RBFOX1: variants seen among roughly 807,000 people sequenced by gnomAD.
RBFOX1 encodes the protein RNA binding protein fox-1 homolog 1.
In RBFOX1, 8 loss-of-function variants were observed where a neutral mutation model predicts 57.7. The observed-to-expected ratio is 0.14, with a 90% CI of 0.08 to 0.25. The LOEUF (loss-of-function observed/expected upper bound fraction) is 0.25, where lower values mean the gene tolerates loss of function less well. Ranked by LOEUF, RBFOX1 falls within the 10% of genes least tolerant of loss-of-function variation. RBFOX1 has a pLI of 1.00. For missense variants in RBFOX1, 611 were observed against 548.5 expected (o/e 1.11, Z -1.14); for synonymous variants, 326 against 222.4 (o/e 1.47, Z -4.15).
chr16:5,318,712 G>A (rs7206164), intron 1 of RBFOX1, among the ~76,000 whole-genome samples: 150,687 of 152,334 alleles, frequency 0.99, 74,550 homozygotes, highest in Middle Eastern at 1. Flanking sequence ...CTTTGTCCCA[G>A]TTATCCAAAC....
chr16:6,204,497 A>G (rs773034798), intron 1 of RBFOX1, among the ~76,000 whole-genome samples: 13 of 152,178 alleles, frequency 8.5e-5, no homozygotes, highest in Non-Finnish European at 1.9e-4. Flanking sequence ...CCATCCCACC[A>G]ACAAAAATAG....
intron 3 of RBFOX1, among the ~76,000 whole-genome samples, chr16:7,005,190 C>G (rs1009256703): frequency 6.9e-6 from 1 of 145,368 alleles, no homozygotes; most frequent in Non-Finnish European, 1.5e-5. Flanking sequence ...AAAATAAACA[C>G]ATATCCTCAC....
At chr16:7,113,621 A>G (rs59698109) in intron 4 of RBFOX1, among the ~76,000 whole-genome samples, 2,302 of 152,326 alleles carry the variant, frequency 0.015, 57 homozygotes, top group African/African-American at 0.053. Flanking sequence ...ATAGAGTGCA[A>G]TACTACACAG....
intron 1 of RBFOX1, among the ~76,000 whole-genome samples, chr16:6,294,043 G>A (rs138324005): frequency 1.4e-4 from 22 of 152,302 alleles, no homozygotes; most frequent in Admixed American, 3.3e-4. Context: ...TCAACTAGGT[G>A]TGGTGGTATG....
At position 6,127,871 on chromosome 16, in the gene RBFOX1, G is replaced by C. The variant is rs148697115; in HGVS notation, c.-127+107879G>C. ...TTCTTTACTTTTGTTGGAGAAAAGG[G>C]AAGTTTTTGACCTGAGCATTTTCTC... On this transcript the variant is annotated intron_variant, in intron 1 of 15. Coordinates refer to ENST00000550418, the MANE Select transcript of RBFOX1 (RefSeq NM_018723.4). 1.7e-3 allele frequency among the ~76,000 whole-genome samples: 263 copies of C among 152,252 alleles called. 1 individual carries two copies. The highest frequency in any genetic ancestry group is 2.9e-3 in the Non-Finnish European group (196 of 68,022).
chr16:7,046,761 A>G (rs77261116), intron 3 of RBFOX1, among the ~76,000 whole-genome samples: 5,238 of 151,774 alleles, frequency 0.035, 334 homozygotes, highest in African/African-American at 0.12. Flanking sequence ...ACGCGCCATC[A>G]TGCCCAGCTA....
At chr16:6,801,735 A>AT (rs1181370405) in intron 3 of RBFOX1, among the ~76,000 whole-genome samples, 1 of 152,094 alleles carries the variant, frequency 6.6e-6, no homozygotes, top group East Asian at 1.9e-4. Context: ...GAGAGTTTTT[A>AT]TTTCTGTAAC....
chr16:6,530,995 C>G (rs1398611486), intron 2 of RBFOX1, among the ~76,000 whole-genome samples: 1 of 152,162 alleles, frequency 6.6e-6, no homozygotes, highest in Non-Finnish European at 1.5e-5. Context: ...TCTGTTCCAA[C>G]CATGCATCGC....
intron 1 of RBFOX1, among the ~76,000 whole-genome samples, chr16:5,248,027 G>T (rs2062346753): frequency 6.6e-6 from 1 of 152,218 alleles, no homozygotes; most frequent in African/African-American, 2.4e-5. Flanking sequence ...ATGGCAACTT[G>T]TTGCCCTGTT....
At chr16:5,612,327 A>G (rs553315213) in intron 3 of RBFOX1, among the ~76,000 whole-genome samples, 27 of 151,620 alleles carry the variant, frequency 1.8e-4, no homozygotes, top group Non-Finnish European at 3.2e-4. Context: ...TCATCCACCT[A>G]TCCACCACTC....
intron 4 of RBFOX1, among the ~76,000 whole-genome samples, chr16:7,513,079 C>CAA (rs35805483): frequency 6.6e-6 from 1 of 151,784 alleles, no homozygotes; most frequent in African/African-American, 2.4e-5. Flanking sequence ...GCCTGGCCAA[C>CAA]AGTAAAACGC....
At chr16:6,219,135 A>AT (rs1252959354) in intron 1 of RBFOX1, among the ~76,000 whole-genome samples, 3 of 152,124 alleles carry the variant, frequency 2.0e-5, no homozygotes, top group Admixed American at 6.6e-5. Context: ...GTGGTTGGTG[A>AT]TTTTTTATAT....
chr16:6,998,154 G>C (rs1340372431), intron 3 of RBFOX1, among the ~76,000 whole-genome samples: 1 of 152,034 alleles, frequency 6.6e-6, no homozygotes, highest in Admixed American at 6.6e-5. Context: ...TTTACTTATT[G>C]AGTGTAAAAT....
At chr16:6,684,543 G>A (rs559936629) in intron 3 of RBFOX1, among the ~76,000 whole-genome samples, 1 of 152,288 alleles carries the variant, frequency 6.6e-6, no homozygotes, top group Non-Finnish European at 1.5e-5. Flanking sequence ...CAGGCATGGA[G>A]CTATCAATTA....
rs1460316423 is a variant in RBFOX1, at chr16:6,634,872, A to G, written c.-63-19731A>G. Among the ~76,000 whole-genome samples, 4 of 135,404 alleles carry G rather than the reference A, an allele frequency of 3.0e-5. No individual in the cohort carries two copies. The Admixed American group carries it at 3.0e-4, about 10-fold the overall frequency. The allele number at this position is 135,404 out of a possible 152,430, so 88.8% of individuals were successfully genotyped here. On this transcript the variant is annotated intron_variant, in intron 2 of 15. Transcript: ENST00000550418. The stretch of plus-strand genomic sequence containing the variant: ...ATAATACTTTAAATTTAAATTCAAA[A>G]TATATATTATAAATTAAAAATACAC...
At chr16:5,577,618 T>A (rs1194426449) in intron 2 of RBFOX1, among the ~76,000 whole-genome samples, 1 of 152,204 alleles carries the variant, frequency 6.6e-6, no homozygotes, top group African/African-American at 2.4e-5. Context: ...TTTGCAATCT[T>A]GAGGCCAGGT....
chr16:6,313,765 G>A (rs2080701407), intron 1 of RBFOX1, among the ~76,000 whole-genome samples: 2 of 151,750 alleles, frequency 1.3e-5, no homozygotes, highest in Non-Finnish European at 2.9e-5. Flanking sequence ...GATTCTCCCT[G>A]GTCACAAATT....
At chr16:6,528,794 C>G (rs967432678) in intron 2 of RBFOX1, among the ~76,000 whole-genome samples, 1 of 152,154 alleles carries the variant, frequency 6.6e-6, no homozygotes, top group African/African-American at 2.4e-5. Flanking sequence ...CTTCAACCCA[C>G]TAGGTGACAG....
At chr16:6,932,557 A>T (rs1169362168) in intron 3 of RBFOX1, among the ~76,000 whole-genome samples, 1 of 152,142 alleles carries the variant, frequency 6.6e-6, no homozygotes, top group Non-Finnish European at 1.5e-5. Flanking sequence ...ATGGTAGGTG[A>T]GTTAGTGCTG....
Sources: gnomAD v4.1 joint callset for allele counts (sites outside exome capture counted in the v4.1 genomes callset) on GRCh38, gnomAD v4.1.1 for gene constraint, MANE v1.5 for transcripts, NCBI Gene and HGNC (gene_info 2026-07-23, HGNC 2026-07-21) for gene names.